The following SPATA17 variants were observed in gnomAD, a reference collection of about 807,000 sequenced individuals.
SPATA17 encodes spermatogenesis associated 17.
In SPATA17, 53 loss-of-function variants were observed where a neutral mutation model predicts 62.2. The observed-to-expected ratio is 0.85, with a 90% CI of 0.68 to 1.07. SPATA17 has a LOEUF of 1.07. Ranked by LOEUF, SPATA17 falls within the 50% of genes least tolerant of loss-of-function variation. The pLI, the probability that SPATA17 is intolerant of heterozygous loss-of-function variation, is 0.00. For missense variants in SPATA17, 466 were observed against 425.5 expected, an observed-to-expected ratio of 1.10 and a Z score of -0.84; for synonymous variants, 146 against 146.8, an observed-to-expected ratio of 0.99 and a Z score of 0.04.
chr1:217,806,225 C>T lies in SPATA17; in HGVS notation c.1005+4375C>T, dbSNP rs575545136. Among the ~76,000 whole-genome samples, 8 of 152,326 alleles carry T rather than the reference C, an allele frequency of 5.3e-5. No individual in the cohort carries two copies. In the South Asian group the frequency reaches 1.7e-3, roughly 32 times the overall value. On this transcript the variant is annotated intron_variant, in intron 9 of 10. Transcript: ENST00000366933. ...TGGTTCAATATTTTGCTCTCCAGTT[C>T]CTCTGGGATGGCAGGGTCACCCTGA...
chr1:217,725,771 T>G (rs1463779551), intron 5 of SPATA17, among the ~76,000 whole-genome samples: 1 of 152,184 alleles, frequency 6.6e-6, no homozygotes, highest in Non-Finnish European at 1.5e-5. Context: ...CCCCAGATTA[T>G]GTTTTTAAAT....
intron 5 of SPATA17, 111 bp downstream of exon 5, chr1:217,683,472 T>C: frequency 1.4e-6 from 1 of 722,298 alleles, no homozygotes; most frequent in Non-Finnish European, 2.4e-6. Flanking sequence ...GGAGTCTTGC[T>C]CTGTTGCCCA....
chr1:217,664,289 CTTT>C (rs34166363), intron 3 of SPATA17, among the ~76,000 whole-genome samples: 19 of 75,778 alleles, frequency 2.5e-4, no homozygotes, highest in Non-Finnish European at 2.5e-4. Context: ...TGTTAAAAAT[CTTT>C]TTTTTTTTTT....
At chr1:217,651,733 T>C (rs1382020089) in intron 3 of SPATA17, among the ~76,000 whole-genome samples, 30 of 152,228 alleles carry the variant, frequency 2.0e-4, no homozygotes, top group Admixed American at 1.9e-3. Context: ...TTAAATATAT[T>C]TGTGGTTATA....
At chr1:217,697,971 C>T (rs1261050869) in intron 5 of SPATA17, among the ~76,000 whole-genome samples, 1 of 152,086 alleles carries the variant, frequency 6.6e-6, no homozygotes, top group Non-Finnish European at 1.5e-5. Flanking sequence ...TGACTCTTCA[C>T]CATTTTTTTT....
chr1:217,724,647 A>G (rs1410707605), intron 5 of SPATA17, among the ~76,000 whole-genome samples: 2 of 152,148 alleles, frequency 1.3e-5, no homozygotes, highest in Admixed American at 6.5e-5. Flanking sequence ...AAAAATATCA[A>G]TTTGTACTTC....
At chr1:217,667,229 A>G (rs1196081792) in intron 3 of SPATA17, among the ~76,000 whole-genome samples, 1 of 151,368 alleles carries the variant, frequency 6.6e-6, no homozygotes, top group Non-Finnish European at 1.5e-5. Context: ...TTGTAGTTTT[A>G]GTAGAGACGG....
At chr1:217,734,165 T>C (rs1672457519) in intron 5 of SPATA17, among the ~76,000 whole-genome samples, 1 of 152,238 alleles carries the variant, frequency 6.6e-6, no homozygotes, top group Non-Finnish European at 1.5e-5. Flanking sequence ...TTTAAATGAC[T>C]TTTTTATGGT....
intron 4 of SPATA17, among the ~76,000 whole-genome samples, chr1:217,674,850 C>T (rs1670912818): frequency 6.6e-6 from 1 of 152,106 alleles, no homozygotes; most frequent in Admixed American, 6.6e-5. Context: ...TGGGTCGTCT[C>T]CCCTAGTGTG....
chr1:217,717,697 ATC>A (rs1672039663), intron 5 of SPATA17, among the ~76,000 whole-genome samples: 1 of 152,088 alleles, frequency 6.6e-6, no homozygotes, highest in Non-Finnish European at 1.5e-5. Context: ...GCAGATCATT[ATC>A]ATTTGCGGGT....
chr1:217,785,699 T>C (rs1015817823), intron 8 of SPATA17, among the ~76,000 whole-genome samples: 3 of 152,184 alleles, frequency 2.0e-5, no homozygotes, highest in African/African-American at 2.4e-5. Context: ...GAATTCAGCA[T>C]ATAAATTTTG....
chr1:217,670,756 G>A (rs1670813809), intron 4 of SPATA17, among the ~76,000 whole-genome samples: 1 of 151,980 alleles, frequency 6.6e-6, no homozygotes, highest in African/African-American at 2.4e-5. Context: ...TTCGAGGCCA[G>A]CCTGGCCAAC....
rs1676032087 is a variant in SPATA17, at chr1:217,867,158, A to G, written c.*139A>G. ...TAAAATTTTGTAGCTCTAGTCATGA[A>G]TTAATTATTGTGTGTATGTATTTGA... On this transcript the variant is annotated 3_prime_UTR_variant, in exon 11 of 11. Coordinates refer to ENST00000366933, the MANE Select transcript of SPATA17 (RefSeq NM_138796.4). 6.6e-6 allele frequency: 1 copy of G among 151,996 alleles called. No homozygotes were observed. Among genetic ancestry groups the G allele is most frequent in the Non-Finnish European group, 1.5e-5 (1 of 67,956 alleles). 9.4% of individuals were successfully genotyped at this position (151,996 alleles called of 1,614,324 possible).
At chr1:217,668,965 A>G (rs1317479910) in intron 3 of SPATA17, 68 bp from the exon 4 acceptor site, 2 of 1,285,012 alleles carry the variant, frequency 1.6e-6, no homozygotes, top group Non-Finnish European at 2.2e-6. Flanking sequence ...TATCTTTTAT[A>G]TGTAAAAATA....
At chr1:217,864,539 G>A (rs1571850053) in intron 10 of SPATA17, among the ~76,000 whole-genome samples, 1 of 151,918 alleles carries the variant, frequency 6.6e-6, no homozygotes, top group Non-Finnish European at 1.5e-5. Context: ...ATACATGTGT[G>A]TATGTATAAA....
intron 5 of SPATA17, among the ~76,000 whole-genome samples, chr1:217,691,657 TG>T (rs775613662): frequency 0.034 from 281 of 8,294 alleles, 9 homozygotes; most frequent in Non-Finnish European, 0.046. Context: ...CATCTTGAAT[TG>T]ATTTTTGTAT....
Position 217,632,011 on chromosome 1 carries a change from C to T in SPATA17, c.68+565C>T, listed in dbSNP as rs1281056529. Among the ~76,000 whole-genome samples, 6 of 151,958 alleles carry T rather than the reference C, an allele frequency of 3.9e-5. No individual in the cohort carries two copies. The South Asian group carries it at 1.2e-3, about 32-fold the overall frequency. ...CAACCAGGACAACATGGTGAAACCC[C>T]GTCTCTATTAAAAATACAAAAACTA... On this transcript the variant is annotated intron_variant, in intron 1 of 10. Coordinates refer to ENST00000366933, the MANE Select transcript of SPATA17 (RefSeq NM_138796.4).
intron 8 of SPATA17, among the ~76,000 whole-genome samples, chr1:217,788,487 G>A (rs1486542313): frequency 1.3e-5 from 2 of 152,042 alleles, no homozygotes; most frequent in African/African-American, 4.8e-5. Flanking sequence ...CTTTTAGGTG[G>A]GGAGATTATC....
chr1:217,808,248 G>A (rs1266389375), intron 9 of SPATA17, among the ~76,000 whole-genome samples: 2 of 152,100 alleles, frequency 1.3e-5, no homozygotes, highest in African/African-American at 4.8e-5. Context: ...GCAAAGAGAA[G>A]GGCAGAATGT....
Sources: allele counts gnomAD v4.1 joint callset (sites outside exome capture counted in the v4.1 genomes callset), GRCh38; gene constraint gnomAD v4.1.1; transcripts MANE v1.5; gene names NCBI Gene and HGNC (gene_info 2026-07-23, HGNC 2026-07-21).